The following ATRNL1 variants were observed in gnomAD, a reference collection of about 807,000 sequenced individuals.
The protein encoded by ATRNL1 is attractin like 1, also known as attractin-like protein 1.
In ATRNL1, 95 loss-of-function variants were observed where a neutral mutation model predicts 182.7. The observed-to-expected ratio is 0.52, with a 90% CI of 0.44 to 0.62. The LOEUF (loss-of-function observed/expected upper bound fraction) is 0.62, where lower values mean the gene tolerates loss of function less well. ATRNL1 is among the 20% of genes least tolerant of loss of function. The pLI, the probability that ATRNL1 is intolerant of heterozygous loss-of-function variation, is 0.00. For synonymous variants in ATRNL1, 576 were observed against 568.3 expected, an observed-to-expected ratio of 1.01 and a Z score of -0.19; for missense variants, 1,471 against 1,679.5, an observed-to-expected ratio of 0.88 and a Z score of 2.17.
At chr10:115,733,708 C>G (rs184667687) in intron 27 of ATRNL1, among the ~76,000 whole-genome samples, 5 of 152,168 alleles carry the variant, frequency 3.3e-5, no homozygotes, top group Admixed American at 2.0e-4. Flanking sequence ...CAGTGACTGG[C>G]CTAAGCAGCT....
intron 21 of ATRNL1, among the ~76,000 whole-genome samples, chr10:115,457,733 A>T (rs1554969015): frequency 6.6e-6 from 1 of 151,942 alleles, no homozygotes; most frequent in Non-Finnish European, 1.5e-5. Context: ...TCTGTTCAGT[A>T]TGATCTCCTC....
intron 1 of ATRNL1, among the ~76,000 whole-genome samples, chr10:115,112,039 T>C (rs782602784): frequency 6.7e-6 from 1 of 148,306 alleles, no homozygotes; most frequent in Non-Finnish European, 1.5e-5. Flanking sequence ...CCATTTACAA[T>C]AGCATCAAAA....
chr10:115,240,344 C>T (rs1016439060), intron 9 of ATRNL1, among the ~76,000 whole-genome samples: 11 of 151,772 alleles, frequency 7.2e-5, no homozygotes, highest in Middle Eastern at 3.4e-3. Context: ...CTCCGCCTCC[C>T]GGGTTCAAGC....
chr10:115,595,813 A>T (rs2769395), intron 26 of ATRNL1, among the ~76,000 whole-genome samples: 72,441 of 152,078 alleles, frequency 0.48, 18,731 homozygotes, highest in East Asian at 0.84. Flanking sequence ...ATTAATTATA[A>T]TGAAGCATTA....
chr10:115,340,453 T>C (rs1229668684), intron 19 of ATRNL1, among the ~76,000 whole-genome samples: 1 of 146,546 alleles, frequency 6.8e-6, no homozygotes, highest in African/African-American at 2.5e-5. Context: ...TTTTCTTTCT[T>C]TTTTTTTCTT....
At chr10:115,145,624 A>G (rs571608650) in intron 5 of ATRNL1, among the ~76,000 whole-genome samples, 5 of 152,284 alleles carry the variant, frequency 3.3e-5, no homozygotes, top group Non-Finnish European at 5.9e-5. Flanking sequence ...AACAAAATCA[A>G]ATTTTTAAAA....
At chr10:115,430,624 G>A (rs138220670) in intron 21 of ATRNL1, among the ~76,000 whole-genome samples, 134 of 152,192 alleles carry the variant, frequency 8.8e-4, no homozygotes, top group African/African-American at 3.1e-3. Flanking sequence ...TGCAGTACTT[G>A]ATAGGTAGTT....
At chr10:115,808,755 T>C (rs546445381) in intron 27 of ATRNL1, among the ~76,000 whole-genome samples, 24 of 152,290 alleles carry the variant, frequency 1.6e-4, no homozygotes, top group Non-Finnish European at 2.5e-4. Context: ...TTTTTCCATT[T>C]CCCTCATGAC....
chr10:115,289,664 T>C (rs1554920226), intron 15 of ATRNL1, among the ~76,000 whole-genome samples: 1 of 152,186 alleles, frequency 6.6e-6, no homozygotes, highest in African/African-American at 2.4e-5. Context: ...TGCATGTTCT[T>C]GGTGTAATTG....
chr10:115,603,352 G>T (rs1856711814), intron 26 of ATRNL1, among the ~76,000 whole-genome samples: 1 of 152,134 alleles, frequency 6.6e-6, no homozygotes, highest in African/African-American at 2.4e-5. Context: ...GGATTTAGGG[G>T]CTTTACATTA....
intron 17 of ATRNL1, among the ~76,000 whole-genome samples, chr10:115,305,875 A>G (rs1853704491): frequency 6.6e-6 from 1 of 152,124 alleles, no homozygotes; most frequent in Non-Finnish European, 1.5e-5. Flanking sequence ...AAGAGAGGCA[A>G]TGCTCCACTT....
intron 25 of ATRNL1, among the ~76,000 whole-genome samples, chr10:115,534,561 G>A (rs948228070): frequency 2.0e-5 from 3 of 152,232 alleles, no homozygotes; most frequent in South Asian, 2.1e-4. Context: ...TCTTTATCCA[G>A]TTTGCCAGTC....
At chr10:115,470,929 A>G (rs181767089) in intron 24 of ATRNL1, among the ~76,000 whole-genome samples, 66 of 150,864 alleles carry the variant, frequency 4.4e-4, no homozygotes, top group African/African-American at 1.6e-3. Context: ...AATATTATAC[A>G]AAACACAGTA....
intron 26 of ATRNL1, among the ~76,000 whole-genome samples, chr10:115,665,686 A>G (rs1334271976): frequency 1.3e-5 from 2 of 152,164 alleles, no homozygotes; most frequent in Non-Finnish European, 2.9e-5. Context: ...TCAAGCAAAA[A>G]CATAACTTGT....
chr10:115,312,330 T>C (rs1207998927), intron 17 of ATRNL1, among the ~76,000 whole-genome samples: 2 of 152,176 alleles, frequency 1.3e-5, no homozygotes, highest in Non-Finnish European at 2.9e-5. Context: ...CATTTGCTTG[T>C]CTGAAAAGGA....
chr10:115,236,966 T>A (rs1554901570), intron 9 of ATRNL1, among the ~76,000 whole-genome samples: 1 of 152,190 alleles, frequency 6.6e-6, no homozygotes, highest in Non-Finnish European at 1.5e-5. Flanking sequence ...TACTTTTGCC[T>A]TTTCTAGAAT....
At chr10:115,342,118 GA>G (rs1379301690) in intron 19 of ATRNL1, among the ~76,000 whole-genome samples, 4 of 151,906 alleles carry the variant, frequency 2.6e-5, no homozygotes, top group Admixed American at 2.6e-4. Flanking sequence ...TAGTGAAGGT[GA>G]TATGATTGAG....
chr10:115,707,125 A>G (rs1276761554), intron 26 of ATRNL1, among the ~76,000 whole-genome samples: 2 of 151,852 alleles, frequency 1.3e-5, no homozygotes, highest in African/African-American at 2.4e-5. Context: ...ATCACATAAT[A>G]TATAATAAAA....
intron 28 of ATRNL1, among the ~76,000 whole-genome samples, chr10:115,888,395 G>A (rs1952001987): frequency 6.6e-6 from 1 of 152,142 alleles, no homozygotes; most frequent in Non-Finnish European, 1.5e-5. Flanking sequence ...TTAGGGCAGA[G>A]ACCACATCTG....
Sources: gnomAD v4.1 joint callset for allele counts (sites outside exome capture counted in the v4.1 genomes callset) on GRCh38, gnomAD v4.1.1 for gene constraint, MANE v1.5 for transcripts, NCBI Gene and HGNC (gene_info 2026-07-23, HGNC 2026-07-21) for gene names.